PRMT9: variants seen among roughly 807,000 people sequenced by gnomAD.
PRMT9 encodes the protein protein arginine methyltransferase 9.
In PRMT9, 59 loss-of-function variants were observed where a neutral mutation model predicts 83.2. The ratio of observed to expected loss-of-function variants is 0.71; its 90% CI spans 0.57 to 0.88. PRMT9 has a LOEUF of 0.88. Ranked by LOEUF, PRMT9 falls within the 40% of genes least tolerant of loss-of-function variation. The pLI, the probability that PRMT9 is intolerant of heterozygous loss-of-function variation, is 0.00. For missense variants in PRMT9, 947 were observed against 1,021.9 expected (o/e 0.93, Z 1.00); for synonymous variants, 333 against 353.2 (o/e 0.94, Z 0.64).
intron 1 of PRMT9, among the ~76,000 whole-genome samples, chr4:147,682,687 C>G (rs1736566793): frequency 6.6e-6 from 1 of 152,218 alleles, no homozygotes; most frequent in South Asian, 2.1e-4. Context: ...AACTAAGAAA[C>G]AAGTAACTGA....
intron 7 of PRMT9, among the ~76,000 whole-genome samples, chr4:147,658,225 T>C (rs947373754): frequency 1.3e-5 from 2 of 151,734 alleles, no homozygotes; most frequent in African/African-American, 4.8e-5. Flanking sequence ...AAGAAGTCCA[T>C]AATATATTGT....
At chr4:147,648,069 A>C (rs1733844815) in intron 9 of PRMT9, among the ~76,000 whole-genome samples, 1 of 152,218 alleles carries the variant, frequency 6.6e-6, no homozygotes, top group Admixed American at 6.5e-5. Context: ...TGATTATAAT[A>C]AGATACATAT....
At chr4:147,646,933 C>T (rs1733770330) in intron 9 of PRMT9, among the ~76,000 whole-genome samples, 1 of 152,160 alleles carries the variant, frequency 6.6e-6, no homozygotes, top group Non-Finnish European at 1.5e-5. Context: ...TCTAACCTCA[C>T]AAACTGACGG....
chr4:147,644,459 C>T (rs529734454), intron 9 of PRMT9, among the ~76,000 whole-genome samples: 2 of 146,676 alleles, frequency 1.4e-5, no homozygotes, highest in African/African-American at 2.5e-5. Flanking sequence ...CTACGTTGAC[C>T]TTGGGTTTAC....
At chr4:147,675,205 C>G (rs1342411951) in intron 2 of PRMT9, among the ~76,000 whole-genome samples, 1 of 152,144 alleles carries the variant, frequency 6.6e-6, no homozygotes, top group African/African-American at 2.4e-5. Flanking sequence ...GTCGCAAACT[C>G]CCGACCTCAG....
At chr4:147,639,949 T>G (rs1733270732) in intron 10 of PRMT9, among the ~76,000 whole-genome samples, 1 of 151,596 alleles carries the variant, frequency 6.6e-6, no homozygotes, top group Admixed American at 6.6e-5. Context: ...AGAAGAAGCC[T>G]TAGATTCTCA....
At chr4:147,653,418 G>C (rs1734250719) in intron 9 of PRMT9, among the ~76,000 whole-genome samples, 1 of 149,828 alleles carries the variant, frequency 6.7e-6, no homozygotes, top group African/African-American at 2.5e-5. Context: ...CTCCAGCCTG[G>C]GCAGCAAGAG....
rs143458755 is a variant in PRMT9, at chr4:147,670,652, A to G, written c.835T>C (p.Leu279=). ...TTCATACTGCTTACCTTTGGCTGTA[A>G]AAGTAAATGCTCCCATGCATGAATC... ...SLIHAWEHLL[L]QPKTKGESAN... The change falls in exon 5 of 12, where the codon TTA becomes CTA. Residue 279 remains leucine, a synonymous_variant. Transcript: ENST00000322396. 2.3e-5 allele frequency: 37 copies of G among 1,607,710 alleles called. No individual in the cohort carries two copies. In the African/African-American group the frequency reaches 4.1e-4, roughly 18 times the overall value.
chr4:147,669,279 G>T (rs1481232119), intron 5 of PRMT9, among the ~76,000 whole-genome samples: 1 of 151,920 alleles, frequency 6.6e-6, no homozygotes, highest in Non-Finnish European at 1.5e-5. Flanking sequence ...GCGAGGCTGA[G>T]GTGGGAGGGC....
At chr4:147,663,514 T>C (rs1483870199) in intron 6 of PRMT9, among the ~76,000 whole-genome samples, 1 of 151,956 alleles carries the variant, frequency 6.6e-6, no homozygotes, top group Non-Finnish European at 1.5e-5. Context: ...TACAGGTGCA[T>C]GCCACCACGC....
chr4:147,642,901 A>C lies in PRMT9; in HGVS notation c.2085T>G (p.Tyr695Ter). The C allele has an allele frequency of 2.5e-6, 4 of 1,614,168 alleles. No individual in the cohort carries two copies. Among genetic ancestry groups the C allele is most frequent in the Non-Finnish European group, 3.4e-6 (4 of 1,179,958 alleles). Residue 695 changes from tyrosine (Y) to a stop codon, truncating the protein, a stop_gained, in exon 10 of 12, where the codon TAT (tyrosine) becomes TAG (stop). Coordinates refer to ENST00000322396, the MANE Select transcript of PRMT9 (RefSeq NM_138364.4). LOFTEE classifies it high-confidence loss of function. ...LQSGGKIFPQ[Y>*]VLMFGLLVES... ...CCACAAGCAACCCAAACATCAGCAC[A>C]TACTGAGGAAAGATCTTGCCTCCAG...
intron 11 of PRMT9, 53 bp downstream of exon 11, chr4:147,638,907 A>C (rs1257627433): frequency 2.0e-6 from 3 of 1,526,844 alleles, no homozygotes; most frequent in Admixed American, 3.4e-5. Context: ...ACCTAATTTA[A>C]GATAATTATT....
intron 9 of PRMT9, among the ~76,000 whole-genome samples, chr4:147,646,986 T>C (rs1733774470): frequency 6.6e-6 from 1 of 152,192 alleles, no homozygotes; most frequent in South Asian, 2.1e-4. Context: ...AATTTTAGTT[T>C]ATAGTTTAAC....
intron 7 of PRMT9, among the ~76,000 whole-genome samples, chr4:147,659,691 T>A (rs1050746781): frequency 6.7e-6 from 1 of 149,612 alleles, no homozygotes; most frequent in Non-Finnish European, 1.5e-5. Flanking sequence ...AATTCTCCTA[T>A]CTCAGCCTCC....
At position 147,650,440 on chromosome 4, in the gene PRMT9, T is replaced by C. The variant is rs560367187; in HGVS notation, c.2045+3412A>G. On this transcript the variant is annotated intron_variant, in intron 9 of 11. Transcript: ENST00000322396. Reference sequence around the variant, plus strand: ...TCCATTTATAATAGCATCTAAAAAATAAAATACTTAGGAATAAACCTACCT... The same window carrying C: ...TCCATTTATAATAGCATCTAAAAAACAAAATACTTAGGAATAAACCTACCT... 5.3e-5 allele frequency among the ~76,000 whole-genome samples: 8 copies of C among 152,108 alleles called. No homozygotes were observed. In the East Asian group the frequency reaches 1.4e-3, roughly 26 times the overall value.
intron 1 of PRMT9, among the ~76,000 whole-genome samples, chr4:147,683,257 C>T (rs535829145): frequency 1.3e-5 from 2 of 152,282 alleles, no homozygotes; most frequent in Admixed American, 1.3e-4. Flanking sequence ...AAGAGGATCA[C>T]GTGAGACCTC....
chr4:147,678,934 C>T (rs563494740), intron 2 of PRMT9, among the ~76,000 whole-genome samples: 6 of 152,310 alleles, frequency 3.9e-5, no homozygotes, highest in Admixed American at 2.6e-4. Flanking sequence ...CACAGTAATA[C>T]ACAAGAGCCA....
At chr4:147,669,519 G>A (rs1243667521) in intron 5 of PRMT9, among the ~76,000 whole-genome samples, 1 of 152,026 alleles carries the variant, frequency 6.6e-6, no homozygotes, top group Non-Finnish European at 1.5e-5. Flanking sequence ...AAAGACTTGG[G>A]TATGACTTTG....
chr4:147,678,548 T>C (rs1200156198), intron 2 of PRMT9, among the ~76,000 whole-genome samples: 2 of 152,234 alleles, frequency 1.3e-5, no homozygotes, highest in Admixed American at 1.3e-4. Flanking sequence ...AACTGTCCCT[T>C]GGCTGGCATC....
Sources: allele counts gnomAD v4.1 joint callset (sites outside exome capture counted in the v4.1 genomes callset), GRCh38; gene constraint gnomAD v4.1.1; transcripts MANE v1.5; gene names NCBI Gene and HGNC (gene_info 2026-07-23, HGNC 2026-07-21).